The following CCDC33 variants were observed in gnomAD, a reference collection of about 807,000 sequenced individuals.
CCDC33 encodes coiled-coil domain-containing protein 33.
A neutral mutation model predicts 91.9 loss-of-function variants in CCDC33; 94 were observed. The observed-to-expected ratio is 1.02, with a 90% CI of 0.87 to 1.21. The LOEUF (loss-of-function observed/expected upper bound fraction) is 1.21. CCDC33 is among the 50% of genes most tolerant of loss of function. CCDC33 has a pLI of 0.00. For missense variants in CCDC33, 940 were observed against 935.5 expected (o/e 1.00, Z -0.06); for synonymous variants, 396 against 374.5 (o/e 1.06, Z -0.66).
In CCDC33 at chr15:74,314,896, T is replaced by C. The variant is rs542430288; in HGVS notation, c.1291-15293T>C. ...GGTGCCAACGAGCCCCCTCCTAGGC[T>C]GCAGCAGAAGCCCACAGCCAGGCAG... On this transcript the variant is annotated intron_variant, in intron 11 of 18. Transcript: ENST00000398814. Among the ~76,000 whole-genome samples, 6 of 152,320 alleles carry C rather than the reference T, an allele frequency of 3.9e-5. No individual in the cohort carries two copies. The East Asian group carries it at 1.2e-3, about 29-fold the overall frequency.
chr15:74,214,528 C>T (rs1157161924), upstream of CCDC33, among the ~76,000 whole-genome samples: 2 of 152,206 alleles, frequency 1.3e-5, no homozygotes, highest in Non-Finnish European at 2.9e-5. Flanking sequence ...GAGGAGGGAT[C>T]TGGTGCTGCC....
intron 7 of CCDC33, among the ~76,000 whole-genome samples, chr15:74,274,373 C>T (rs556399585): frequency 1.3e-5 from 2 of 152,364 alleles, no homozygotes; most frequent in African/African-American, 4.8e-5. Flanking sequence ...ATGGTCCCAA[C>T]ATTCCTAGGG....
chr15:74,287,085 T>G (rs577541953), intron 10 of CCDC33, among the ~76,000 whole-genome samples: 2 of 152,304 alleles, frequency 1.3e-5, no homozygotes, highest in African/African-American at 4.8e-5. Flanking sequence ...TGAAGAATTT[T>G]TATGGATTTT....
chr15:74,298,833 C>T (rs961575981), intron 11 of CCDC33, among the ~76,000 whole-genome samples: 9 of 151,648 alleles, frequency 5.9e-5, no homozygotes, highest in African/African-American at 2.2e-4. Flanking sequence ...CTTCCTCAGC[C>T]TCTTGAGTAG....
chr15:74,217,839 TG>T (rs1394594842), intron 1 of CCDC33, among the ~76,000 whole-genome samples: 1 of 152,010 alleles, frequency 6.6e-6, no homozygotes, highest in East Asian at 1.9e-4. Context: ...AGATGAGAGA[TG>T]GCTTTGTAAA....
At chr15:74,319,352 C>A (rs1050691545) in intron 11 of CCDC33, among the ~76,000 whole-genome samples, 4 of 152,192 alleles carry the variant, frequency 2.6e-5, no homozygotes, top group Admixed American at 2.6e-4. Context: ...GGGCTCTTCC[C>A]CCACCCAATG....
rs201736142 is a variant in CCDC33, at chr15:74,272,790, G to A, written c.658G>A (p.Asp220Asn). 3 of 1,614,040 alleles carry A rather than the reference G, an allele frequency of 1.9e-6. No individual in the cohort carries two copies. Among genetic ancestry groups the A allele is most frequent in the South Asian group, 1.1e-5 (1 of 91,080 alleles). The part of the protein sequence containing the change: ...KEFKVSQANR[D>N]LASVGLPITP... The stretch of plus-strand genomic sequence containing the variant: ...CCCCAGGGTCAGCCAGGCTAACAGG[G>A]ACCTGGCCTCTGTGGGGCTGCCCAT... Residue 220 changes from aspartate (D) to asparagine (N), a missense_variant, in exon 7 of 19, where the codon GAC (aspartate) becomes AAC (asparagine). Physicochemically the swap from Asp to Asn is conservative, Grantham distance 23. Coordinates refer to ENST00000398814, the MANE Select transcript of CCDC33 (RefSeq NM_025055.5).
chr15:74,222,486 G>C (rs1265812182), intron 2 of CCDC33, among the ~76,000 whole-genome samples: 1 of 150,788 alleles, frequency 6.6e-6, no homozygotes. Flanking sequence ...TTTCCCAGGA[G>C]CCTTTTAAAT....
At chr15:74,232,320 A>G (rs1473115224), upstream of CCDC33, among the ~76,000 whole-genome samples, 1 of 152,186 alleles carries the variant, frequency 6.6e-6, no homozygotes, top group East Asian at 1.9e-4. Flanking sequence ...TATTTACAAT[A>G]CTGAGGGTGG....
chr15:74,243,978 C>T lies in CCDC33; in HGVS notation c.22-7C>T, dbSNP rs766633022. On this transcript the variant is annotated splice_polypyrimidine_tract_variant and splice_region_variant and intron_variant, in intron 1 of 18. Transcript: ENST00000398814. The stretch of plus-strand genomic sequence containing the variant: ...AAAAAAACACTCAGCCCTGGCTCTC[C>T]CCACAGAACACTGAAGACCCAGAGG... The T allele has an allele frequency of 1.2e-6, 2 of 1,602,384 alleles. No homozygotes were observed. The highest frequency in any genetic ancestry group is 2.2e-5 in the South Asian group (2 of 89,482).
chr15:74,243,912 T>C (rs1595926559), intron 1 of CCDC33, 73 bp from the exon 2 acceptor site: 1 of 1,517,374 alleles, frequency 6.6e-7, no homozygotes, highest in Non-Finnish European at 8.8e-7. Context: ...ACCACTGCAC[T>C]CCAGCCTGGG....
At chr15:74,277,765 C>T (rs1330792801) in intron 7 of CCDC33, among the ~76,000 whole-genome samples, 1 of 152,218 alleles carries the variant, frequency 6.6e-6, no homozygotes, top group Non-Finnish European at 1.5e-5. Flanking sequence ...GGAAACTACT[C>T]AGGGAAAGGG....
At chr15:74,208,359 C>A (rs563605635) in intron 1 of CCDC33, among the ~76,000 whole-genome samples, 22 of 152,268 alleles carry the variant, frequency 1.4e-4, no homozygotes, top group Non-Finnish European at 3.1e-4. Context: ...CCCACGTTCT[C>A]CGTTCCCAGC....
chr15:74,291,562 G>A (rs941757883), intron 10 of CCDC33, among the ~76,000 whole-genome samples: 2 of 152,248 alleles, frequency 1.3e-5, no homozygotes, highest in Admixed American at 6.5e-5. Context: ...GGAGGGTTCA[G>A]GGCCAGCTAA....
intron 1 of CCDC33, among the ~76,000 whole-genome samples, chr15:74,206,300 C>T (rs970931275): frequency 2.0e-5 from 3 of 152,190 alleles, no homozygotes; most frequent in African/African-American, 4.8e-5. Flanking sequence ...CGGGTGGCCG[C>T]GTGGCTCAAG....
At chr15:74,242,709 C>A (rs1455783561) in intron 1 of CCDC33, among the ~76,000 whole-genome samples, 1 of 152,158 alleles carries the variant, frequency 6.6e-6, no homozygotes, top group Non-Finnish European at 1.5e-5. Flanking sequence ...AGTCAGCCAG[C>A]CGGCCAGTGG....
At position 74,335,158 on chromosome 15, in the gene CCDC33, G is replaced by C. The variant is rs77843912; in HGVS notation, c.2139+70G>C. The C allele has an allele frequency of 1.3e-4, 153 of 1,206,582 alleles. No individual in the cohort carries two copies. The East Asian group carries it at 3.5e-3, about 28-fold the overall frequency. The allele number at this position is 1,206,582 out of a possible 1,614,324, so 74.7% of individuals were successfully genotyped here. On this transcript the variant is annotated intron_variant, in intron 18 of 18. Transcript: ENST00000398814. ...AGCAGGAAGCCACCGCACCCCCAAA[G>C]TCACTGGGCCCTGAGAAAAGCCATT...
In CCDC33 at chr15:74,236,555, G is replaced by T; in HGVS notation, c.-165G>T. 2.6e-6 allele frequency: 1 copy of T among 386,830 alleles called. No homozygotes were observed. Among genetic ancestry groups the T allele is most frequent in the East Asian group, 4.5e-5 (1 of 22,050 alleles). The allele number at this position is 386,830 out of a possible 1,614,324, so 24.0% of individuals were successfully genotyped here. A position where few individuals can be genotyped will look rare whatever the true frequency, so the allele number is the denominator to read the frequency against. On this transcript the variant is annotated 5_prime_UTR_variant, in exon 1 of 19. Transcript: ENST00000398814. ...CATCCAGGCCCCAGGGCTGGTGTGT[G>T]GCACCCCTGAGACCACATTGACCTC...
chr15:74,250,941 C>A (rs532480327), intron 2 of CCDC33, among the ~76,000 whole-genome samples: 100 of 152,322 alleles, frequency 6.6e-4, no homozygotes, highest in African/African-American at 2.3e-3. Context: ...GAGTCCTGAG[C>A]AGGCTCACAG....
Sources: allele counts gnomAD v4.1 joint callset (sites outside exome capture counted in the v4.1 genomes callset), GRCh38; gene constraint gnomAD v4.1.1; transcripts MANE v1.5; gene names NCBI Gene and HGNC (gene_info 2026-07-23, HGNC 2026-07-21).